CRTC1: variants seen among roughly 807,000 people sequenced by gnomAD.
CRTC1 encodes CREB regulated transcription coactivator 1.
Under a neutral mutation model 66.1 loss-of-function variants are expected in CRTC1, and 18 were observed. The ratio of observed to expected loss-of-function variants is 0.27; its 90% CI spans 0.19 to 0.40. CRTC1 has a LOEUF of 0.40. CRTC1 is among the 10% of genes least tolerant of loss of function. CRTC1 has a pLI of 1.00. For synonymous variants in CRTC1, 416 were observed against 398.8 expected (o/e 1.04, Z -0.51); for missense variants, 669 against 887.9 (o/e 0.75, Z 3.13).
intron 1 of CRTC1, among the ~76,000 whole-genome samples, chr19:18,734,953 G>A (rs1353142596): frequency 3.3e-5 from 5 of 152,236 alleles, no homozygotes; most frequent in Admixed American, 6.5e-5. Flanking sequence ...GCCTCTGGGA[G>A]AATGAATCGG....
chr19:18,687,715 G>A (rs1000235025), intron 1 of CRTC1, among the ~76,000 whole-genome samples: 8 of 152,192 alleles, frequency 5.3e-5, no homozygotes, highest in Non-Finnish European at 1.2e-4. Context: ...ACAGTTGCCG[G>A]TGGTGATGGC....
chr19:18,772,927 T>C (rs1601015637), intron 11 of CRTC1, among the ~76,000 whole-genome samples: 2 of 151,910 alleles, frequency 1.3e-5, no homozygotes, highest in Admixed American at 1.3e-4. Context: ...GCAGCCCAGG[T>C]GGGGCTGGTT....
intron 2 of CRTC1, among the ~76,000 whole-genome samples, chr19:18,743,331 T>A (rs2054152313): frequency 6.6e-6 from 1 of 152,212 alleles, no homozygotes; most frequent in South Asian, 2.1e-4. Flanking sequence ...CCACTGGGGC[T>A]TGGCTCTGTC....
intron 11 of CRTC1, 70 bp from the exon 12 acceptor site, chr19:18,774,830 G>T (rs2054946677): frequency 2.7e-6 from 4 of 1,469,256 alleles, no homozygotes; most frequent in Non-Finnish European, 2.8e-6. Context: ...CTTCCAGCCG[G>T]GCTTGGGAGG....
rs1430590268 is a variant in CRTC1, at chr19:18,760,133, C to T, written c.791C>T (p.Pro264Leu). 2 of 1,613,960 alleles carry T rather than the reference C, an allele frequency of 1.2e-6. No individual in the cohort carries two copies. Among genetic ancestry groups the T allele is most frequent in the Admixed American group, 3.3e-5 (2 of 60,016 alleles). The change falls in exon 8 of 14, where the codon CCC (proline) becomes CTC (leucine). Residue 264 changes from proline to leucine, a missense_variant. Physicochemically the swap from Pro to Leu is moderately conservative, Grantham distance 98 (BLOSUM62 -3). This residue lies in a region of CRTC1 where 214 missense variants were observed against 323.4 expected (regional missense o/e 0.66). Coordinates refer to ENST00000321949, the MANE Select transcript of CRTC1 (RefSeq NM_015321.3). This position sits in a 1 kb window ranked among gnomAD's most constrained non-coding sequence, Gnocchi z 6.2. ...FPSPLPTPLD[P>L]EEPTFPALSS... ...TCCCCGCTCCCGACCCCGCTGGACC[C>T]CGAGGAGCCCACCTTCCCTGCACTG...
At position 18,720,848 on chromosome 19, in the gene CRTC1, G is replaced by A. The variant is rs2053610678; in HGVS notation, c.127-22062G>A. Among the ~76,000 whole-genome samples the A allele has an allele frequency of 3.4e-5, 3 of 87,498 alleles. No individual in the cohort carries two copies. The South Asian group carries it at 1.0e-3, about 29-fold the overall frequency. 57.4% of individuals were successfully genotyped at this position (87,498 alleles called of 152,430 possible). On this transcript the variant is annotated intron_variant, in intron 1 of 13. Transcript: ENST00000321949. ...TTCTCTCTGCTCATGTACACTATGT[G>A]CACGCATGCATGGGGCCCTCTCTGC...
chr19:18,686,697 C>T (rs751306265), intron 1 of CRTC1, among the ~76,000 whole-genome samples: 1 of 152,174 alleles, frequency 6.6e-6, no homozygotes, highest in South Asian at 2.1e-4. Flanking sequence ...GCAGTTCTTT[C>T]AGCCCTGGAA....
At chr19:18,754,914 A>G (rs2054450651) in intron 6 of CRTC1, among the ~76,000 whole-genome samples, 1 of 151,296 alleles carries the variant, frequency 6.6e-6, no homozygotes, top group Non-Finnish European at 1.5e-5. Context: ...AGCCCTTTAT[A>G]TCCATCTGTG....
intron 1 of CRTC1, among the ~76,000 whole-genome samples, chr19:18,690,821 C>T (rs1225162880): frequency 1.3e-5 from 2 of 151,670 alleles, no homozygotes. Context: ...GTCAGGAGAT[C>T]GAGACCATCC....
intron 4 of CRTC1, among the ~76,000 whole-genome samples, chr19:18,748,497 G>T (rs1372549363): frequency 1.4e-5 from 2 of 145,734 alleles, no homozygotes; most frequent in Non-Finnish European, 3.0e-5. Context: ...GGGATTACAG[G>T]ACATGAGCCA....
chr19:18,776,182 G>C (rs1474050037), intron 13 of CRTC1, among the ~76,000 whole-genome samples: 1 of 152,242 alleles, frequency 6.6e-6, no homozygotes, highest in African/African-American at 2.4e-5. Flanking sequence ...TGTGCACCAG[G>C]GTCAGGGACG....
At chr19:18,753,649 A>G in intron 6 of CRTC1, 64 bp downstream of exon 6, 1 of 1,253,604 alleles carries the variant, frequency 8.0e-7, no homozygotes, top group Non-Finnish European at 1.1e-6. Context: ...TCACCTGGGC[A>G]AAGGTGACAA....
intron 1 of CRTC1, among the ~76,000 whole-genome samples, chr19:18,740,023 C>T (rs1010128575): frequency 5.3e-5 from 8 of 152,060 alleles, no homozygotes; most frequent in Non-Finnish European, 1.0e-4. Flanking sequence ...GAGGCTGAGG[C>T]GGGCGAATCT....
intron 4 of CRTC1, among the ~76,000 whole-genome samples, chr19:18,747,987 G>T (rs1208581917): frequency 6.6e-6 from 1 of 152,156 alleles, no homozygotes; most frequent in African/African-American, 2.4e-5. Flanking sequence ...TGAGGTGGGA[G>T]AATTGCTTGA....
At chr19:18,689,581 A>G (rs867012476) in intron 1 of CRTC1, among the ~76,000 whole-genome samples, 1 of 96,390 alleles carries the variant, frequency 1.0e-5, no homozygotes, top group Non-Finnish European at 1.9e-5. Flanking sequence ...ATATATATAT[A>G]TATATGTAAT....
At chr19:18,775,602 C>T (rs775306274) in intron 12 of CRTC1, 39 bp from the exon 13 acceptor site, 9 of 1,503,120 alleles carry the variant, frequency 6.0e-6, no homozygotes, top group South Asian at 1.3e-5. Context: ...TGGGCAGGCC[C>T]GCGGTGGCCC....
intron 6 of CRTC1, among the ~76,000 whole-genome samples, chr19:18,757,279 G>A (rs189655612): frequency 6.6e-6 from 1 of 152,250 alleles, no homozygotes; most frequent in African/African-American, 2.4e-5. Flanking sequence ...AGTCTCGGGG[G>A]CCCCTACCTG....
At position 18,768,932 on chromosome 19, in the gene CRTC1, C is replaced by G; in HGVS notation, c.1320+139C>G. 9.2e-7 allele frequency: 1 copy of G among 1,089,324 alleles called. No homozygotes were observed. Among genetic ancestry groups the G allele is most frequent in the Non-Finnish European group, 1.3e-6 (1 of 778,330 alleles). The allele number at this position is 1,089,324 out of a possible 1,614,324, so 67.5% of individuals were successfully genotyped here. A position where few individuals can be genotyped will look rare whatever the true frequency, so the allele number is the denominator to read the frequency against. ...CGAACGCTGCCTGGGCCCACCTCTC[C>G]ACGGGGCTACCCCTTGGAATCAAAC... On this transcript the variant is annotated intron_variant, in intron 10 of 13. Coordinates refer to ENST00000321949, the MANE Select transcript of CRTC1 (RefSeq NM_015321.3). This position sits in a 1 kb window ranked among gnomAD's most constrained non-coding sequence, Gnocchi z 5.6.
rs1177351048 is a variant in CRTC1, at chr19:18,760,572, A to G, written c.886+344A>G. ...CGCCCCTCCTCGACCCCAGCCCCTCATTGGGGGGCGGGACCAGGCCTGACC... is the reference window on the plus strand; with the variant it reads ...CGCCCCTCCTCGACCCCAGCCCCTCGTTGGGGGGCGGGACCAGGCCTGACC... On this transcript the variant is annotated intron_variant, in intron 8 of 13. Transcript: ENST00000321949. This position sits in a 1 kb window ranked among gnomAD's most constrained non-coding sequence, Gnocchi z 6.2. 5.3e-5 allele frequency among the ~76,000 whole-genome samples: 8 copies of G among 151,272 alleles called. No individual in the cohort carries two copies. Among genetic ancestry groups the G allele is most frequent in the Non-Finnish European group, 1.5e-5 (1 of 67,716 alleles).
Sources: gnomAD v4.1 joint callset for allele counts (sites outside exome capture counted in the v4.1 genomes callset) on GRCh38, gnomAD v4.1.1 for gene constraint, gnomAD v4.1.1 regional missense constraint, Gnocchi (gnomAD v3.1) non-coding constraint, MANE v1.5 for transcripts, NCBI Gene and HGNC (gene_info 2026-07-23, HGNC 2026-07-21) for gene names.